Variants in DTHD1 observed in about 807,000 individuals in gnomAD.
The protein encoded by DTHD1 is death domain containing 1.
A neutral mutation model predicts 74.8 loss-of-function variants in DTHD1; 59 were observed. The observed-to-expected ratio is 0.79, with a 90% CI of 0.64 to 0.98. DTHD1 has a LOEUF of 0.98. DTHD1 is among the 50% of genes least tolerant of loss of function. The pLI is 0.00. For synonymous variants in DTHD1, 365 were observed against 371.1 expected, an observed-to-expected ratio of 0.98 and a Z score of 0.19; for missense variants, 1,051 against 1,065.4, an observed-to-expected ratio of 0.99 and a Z score of 0.19.
In DTHD1 at chr4:36,290,650, C is replaced by T. The variant is rs1334979739; in HGVS notation, c.1165C>T (p.Gln389Ter). 8.4e-6 allele frequency: 13 copies of T among 1,546,592 alleles called. No individual in the cohort carries two copies. The Admixed American group carries it at 1.6e-4, about 19-fold the overall frequency. The change falls in exon 3 of 10, where the codon CAA (glutamine) becomes TAA (stop). Residue 389 changes from glutamine (Q) to a stop codon, truncating the protein, a stop_gained. Transcript: ENST00000639862. LOFTEE classifies it high-confidence loss of function. The part of the protein sequence containing the change: ...IMVKVCDINL[Q>*]SSYLNPNSLE... ...GGTGAAAGTGTGTGACATAAACCTT[C>T]AATCAAGTTACCTAAACCCAAATTC...
At position 36,306,290 on chromosome 4, in the gene DTHD1, T is replaced by C; in HGVS notation, c.1743T>C (p.Asp581=). 6.4e-7 allele frequency: 1 copy of C among 1,551,718 alleles called. No individual in the cohort carries two copies. The highest frequency in any genetic ancestry group is 8.7e-7 in the Non-Finnish European group (1 of 1,146,964). The stretch of plus-strand genomic sequence containing the variant: ...AAGACAGTGGTTGGTGTGGGCTTGA[T>C]GATGTTGTGAAAACCATACAGAGCG... ...RSQDSGWCGL[D]DVVKTIQSGL... is the part of the protein sequence containing the mutation. Residue 581 remains aspartate (D), a synonymous_variant, in exon 6 of 10, where the codon GAT becomes GAC. Coordinates refer to ENST00000639862, the MANE Select transcript of DTHD1 (RefSeq NM_001170700.3).
At chr4:36,306,760 G>A (rs1252452343) in intron 6 of DTHD1, among the ~76,000 whole-genome samples, 1 of 152,176 alleles carries the variant, frequency 6.6e-6, no homozygotes, top group Non-Finnish European at 1.5e-5. Flanking sequence ...CCCATTATGA[G>A]AAGAGTTTTA....
rs1755543921 is a variant in DTHD1 at position 36,283,960 on chromosome 4, A to G, written c.272-16A>G. 2.7e-6 allele frequency: 4 copies of G among 1,478,600 alleles called. No homozygotes were observed. The highest frequency in any genetic ancestry group is 2.4e-5 in the South Asian group (2 of 82,114). 91.6% of individuals were successfully genotyped at this position (1,478,600 alleles called of 1,614,324 possible). A position where few individuals can be genotyped will look rare whatever the true frequency, so the allele number is the denominator to read the frequency against. On this transcript the variant is annotated splice_polypyrimidine_tract_variant and intron_variant, in intron 1 of 9. Transcript: ENST00000639862. Reference sequence around the variant, plus strand: ...TTTTGTATTTATTCTTTGTGTGTCCATGTATGTGTGTGTAGAAATCATTAC... The same window carrying G: ...TTTTGTATTTATTCTTTGTGTGTCCGTGTATGTGTGTGTAGAAATCATTAC...
intron 7 of DTHD1, among the ~76,000 whole-genome samples, chr4:36,310,480 T>G (rs1259801697): frequency 6.6e-6 from 1 of 152,214 alleles, no homozygotes; most frequent in Non-Finnish European, 1.5e-5. Flanking sequence ...GGTGTGTGTG[T>G]AAAAATGAGG....
At chr4:36,295,123 T>C (rs1756324634) in intron 5 of DTHD1, 84 bp downstream of exon 5, 1 of 1,326,736 alleles carries the variant, frequency 7.5e-7, no homozygotes, top group African/African-American at 1.5e-5. Flanking sequence ...AAATGCCTTG[T>C]ATTTAAATTC....
intron 3 of DTHD1, among the ~76,000 whole-genome samples, chr4:36,292,161 A>G (rs1756118179): frequency 6.6e-6 from 1 of 152,182 alleles, no homozygotes; most frequent in Non-Finnish European, 1.5e-5. Context: ...GTTTATAGGT[A>G]TGATAGTCTA....
intron 4 of DTHD1, among the ~76,000 whole-genome samples, chr4:36,294,068 A>G (rs1560789805): frequency 6.6e-6 from 1 of 151,984 alleles, no homozygotes; most frequent in African/African-American, 2.4e-5. Context: ...GATGACAAAA[A>G]AGAGGACAAT....
intron 8 of DTHD1, chr4:36,333,853 G>A (rs536141531): frequency 6.6e-6 from 1 of 152,292 alleles, no homozygotes; most frequent in African/African-American, 2.4e-5. Flanking sequence ...AGAGAGTAAA[G>A]CCCATGAAAC....
intron 8 of DTHD1, among the ~76,000 whole-genome samples, chr4:36,322,778 G>C (rs1382783537): frequency 6.6e-6 from 1 of 152,186 alleles, no homozygotes. Context: ...TCTTTCTGAA[G>C]TTGTGCCTCA....
Position 36,294,854 on chromosome 4 carries a change from C to G in DTHD1, c.1458C>G (p.Tyr486Ter). The change falls in exon 5 of 10, where the codon TAC becomes TAG. Residue 486 changes from tyrosine to a stop codon, truncating the protein, a stop_gained. Transcript: ENST00000639862. LOFTEE classifies it high-confidence loss of function. ...AHLKAQQDTF[Y>*]SVQSTSPLIH... ...TAAAAGCACAGCAAGATACTTTCTA[C>G]TCAGTCCAATCCACAAGCCCTCTGA... is the stretch of plus-strand genomic sequence containing the variant. The G allele has an allele frequency of 6.4e-7, 1 of 1,551,476 alleles. No individual in the cohort carries two copies. The highest frequency in any genetic ancestry group is 8.7e-7 in the Non-Finnish European group (1 of 1,146,514).
Position 36,290,402 on chromosome 4 carries a change from G to T in DTHD1, c.917G>T (p.Gly306Val). The T allele has an allele frequency of 6.4e-7, 1 of 1,551,192 alleles. No individual in the cohort carries two copies. Among genetic ancestry groups the T allele is most frequent in the Non-Finnish European group, 8.7e-7 (1 of 1,146,498 alleles). ...CTTGATGTGCTGAGTGATGTTACTG[G>T]CCCCCAAGTGTCTTGTTATATTACA... ...EYLDVLSDVT[G>V]PQVSCYITAP... The change falls in exon 3 of 10, where the codon GGC (glycine) becomes GTC (valine). Residue 306 changes from glycine (G) to valine (V), a missense_variant. Coordinates refer to ENST00000639862, the MANE Select transcript of DTHD1 (RefSeq NM_001170700.3).
chr4:36,315,307 G>A (rs1443823797), intron 7 of DTHD1, among the ~76,000 whole-genome samples: 5 of 152,112 alleles, frequency 3.3e-5, no homozygotes, highest in African/African-American at 4.8e-5. Context: ...ATCATTTTAG[G>A]AGAATCTGTC....
intron 8 of DTHD1, among the ~76,000 whole-genome samples, chr4:36,330,320 G>T (rs921668046): frequency 6.6e-6 from 1 of 152,174 alleles, no homozygotes; most frequent in Non-Finnish European, 1.5e-5. Context: ...CAACCTTCAT[G>T]TTACATACAA....
chr4:36,302,755 T>C (rs73117678), intron 5 of DTHD1, among the ~76,000 whole-genome samples: 21,868 of 152,226 alleles, frequency 0.14, 2,224 homozygotes, highest in African/African-American at 0.29. Flanking sequence ...ATGAATTTTA[T>C]GATCAACATG....
At chr4:36,342,068 G>C (rs188927386) in intron 9 of DTHD1, among the ~76,000 whole-genome samples, 2 of 152,332 alleles carry the variant, frequency 1.3e-5, no homozygotes, top group Admixed American at 6.5e-5. Flanking sequence ...CATTGGAGTT[G>C]ACAAAATTAA....
At chr4:36,296,459 T>C (rs1756403851) in intron 5 of DTHD1, among the ~76,000 whole-genome samples, 1 of 151,976 alleles carries the variant, frequency 6.6e-6, no homozygotes, top group African/African-American at 2.4e-5. Context: ...AAAGTAAAAA[T>C]TTATATGAAA....
chr4:36,330,453 A>G (rs1758597765), intron 8 of DTHD1, among the ~76,000 whole-genome samples: 1 of 152,146 alleles, frequency 6.6e-6, no homozygotes, highest in South Asian at 2.1e-4. Flanking sequence ...TGTCTGTATA[A>G]TAGGCATAAT....
chr4:36,343,451 C>A, intron 9 of DTHD1, 51 bp from the exon 10 acceptor site: 3 of 1,488,136 alleles, frequency 2.0e-6, no homozygotes, highest in South Asian at 2.6e-5. Flanking sequence ...TAGACCCATG[C>A]ATCCCCCAGG....
chr4:36,294,985 A>G lies in DTHD1; in HGVS notation c.1589A>G (p.His530Arg), dbSNP rs2109464857. ...AACAACCTTGGTTCTGAGATAGATCATAAAAGAAGAGCAAGTGCCACAATA... is the reference window on the plus strand; with the variant it reads ...AACAACCTTGGTTCTGAGATAGATCGTAAAAGAAGAGCAAGTGCCACAATA... ...DKNNLGSEID[H>R]KRRASATINR... is the part of the protein sequence containing the mutation. Residue 530 changes from histidine to arginine, a missense_variant, in exon 5 of 10, where the codon CAT becomes CGT. Transcript: ENST00000639862. 6.4e-7 allele frequency: 1 copy of G among 1,551,242 alleles called. No individual in the cohort carries two copies. The highest frequency in any genetic ancestry group is 1.2e-5 in the South Asian group (1 of 84,024).
Sources: allele counts gnomAD v4.1 joint callset (sites outside exome capture counted in the v4.1 genomes callset), GRCh38; gene constraint gnomAD v4.1.1; transcripts MANE v1.5; gene names NCBI Gene and HGNC (gene_info 2026-07-23, HGNC 2026-07-21).